Variants in CASD1 observed in about 807,000 individuals in gnomAD.
CASD1 encodes the protein N-acetylneuraminate (7)9-O-acetyltransferase.
Under a neutral mutation model 100.0 loss-of-function variants are expected in CASD1, and 41 were observed. The ratio of observed to expected loss-of-function variants is 0.41; its 90% CI spans 0.32 to 0.53. The LOEUF is 0.53. Among genes scored for constraint, CASD1 ranks in the 20% least tolerant of loss-of-function variants. The probability of loss-of-function intolerance (pLI) is 0.25; values close to 1 mark genes in which losing one functional copy is unlikely to be tolerated. For synonymous variants in CASD1, 321 were observed against 315.6 expected (o/e 1.02, Z -0.18); for missense variants, 774 against 948.7 (o/e 0.82, Z 2.42).
At chr7:94,589,759 CT>C in the CASD1 span, 1 of 186,454 alleles carries the variant, frequency 5.4e-6, no homozygotes, top group Non-Finnish European at 1.1e-5. Flanking sequence ...CCATCACCCC[CT>C]GATGGTACTG....
At chr7:94,542,877 T>C (rs1406733883) in intron 10 of CASD1, among the ~76,000 whole-genome samples, 1 of 152,204 alleles carries the variant, frequency 6.6e-6, no homozygotes, top group African/African-American at 2.4e-5. Flanking sequence ...TCATTGAAAA[T>C]TTCTGATCTA....
the CASD1 span, chr7:94,600,973 C>T: frequency 1.2e-6 from 1 of 862,582 alleles, no homozygotes; most frequent in South Asian, 1.5e-5. Flanking sequence ...CCATCTTTTC[C>T]AATTACTTTA....
intron 3 of CASD1, among the ~76,000 whole-genome samples, chr7:94,519,139 G>A (rs1163374445): frequency 6.6e-6 from 1 of 152,040 alleles, no homozygotes; most frequent in Non-Finnish European, 1.5e-5. Context: ...ATTTTGTTAG[G>A]AAATTTCTCG....
chr7:94,530,088 T>C (rs1794774148), intron 5 of CASD1, among the ~76,000 whole-genome samples: 1 of 152,134 alleles, frequency 6.6e-6, no homozygotes, highest in Admixed American at 6.5e-5. Flanking sequence ...ATACAGATAC[T>C]TAAGCAATGT....
At chr7:94,561,389 T>G (rs936144130), downstream of CASD1, among the ~76,000 whole-genome samples, 4 of 152,200 alleles carry the variant, frequency 2.6e-5, no homozygotes, top group Non-Finnish European at 5.9e-5. Context: ...ATAAATAATT[T>G]AACTTGGAAG....
At chr7:94,596,352 C>G in the CASD1 span, among the ~76,000 whole-genome samples, 154 of 152,252 alleles carry the variant, frequency 1.0e-3, no homozygotes, top group South Asian at 8.3e-3. Context: ...AAAATGACAG[C>G]AACCTTTTTC....
At chr7:94,525,546 AAAAG>A (rs1465474864) in intron 3 of CASD1, among the ~76,000 whole-genome samples, 2 of 152,180 alleles carry the variant, frequency 1.3e-5, no homozygotes, top group Non-Finnish European at 2.9e-5. Context: ...TAAAAAAGGA[AAAAG>A]AAGAAAGAGA....
chr7:94,587,025 A>G, the CASD1 span: 2 of 982,904 alleles, frequency 2.0e-6, no homozygotes, highest in Non-Finnish European at 2.4e-6. Flanking sequence ...AATAGGCTCT[A>G]GTGTTAACTA....
At chr7:94,621,748 T>C in the CASD1 span, 30 of 152,312 alleles carry the variant, frequency 2.0e-4, no homozygotes, top group Admixed American at 1.2e-3. Context: ...GCTCATTAAG[T>C]GTATTCCAAT....
At chr7:94,597,028 A>G in the CASD1 span, among the ~76,000 whole-genome samples, 4 of 152,072 alleles carry the variant, frequency 2.6e-5, no homozygotes, top group Non-Finnish European at 4.4e-5. Context: ...AATTTTACCA[A>G]TTTTTCTCAT....
the CASD1 span, chr7:94,587,653 A>C: frequency 6.7e-7 from 1 of 1,483,624 alleles, no homozygotes; most frequent in South Asian, 1.4e-5. Context: ...CCAACACATC[A>C]ATATATTGAA....
At chr7:94,557,336 TCTTTTGCC>T (rs1796242882), downstream of CASD1, among the ~76,000 whole-genome samples, 1 of 152,110 alleles carries the variant, frequency 6.6e-6, no homozygotes, top group Non-Finnish European at 1.5e-5. Context: ...TTTTCTCTCT[TCTTTTGCC>T]CTTACTTAAT....
In CASD1 at chr7:94,544,464, G is replaced by T. The variant is rs756379268; in HGVS notation, c.1410G>T (p.Gln470His). ...TTCTGGTTGCTGCATATTTATTTCA[G>T]ACAGGGTATGGGCATTTCTCATACT... The part of the protein sequence containing the change: ...IRVLVAAYLF[Q>H]TGYGHFSYFW... Residue 470 changes from glutamine (Q) to histidine (H), a missense_variant, in exon 11 of 18, where the codon CAG becomes CAT. Coordinates refer to ENST00000297273, the MANE Select transcript of CASD1 (RefSeq NM_022900.5). 46 of 1,613,136 alleles carry T rather than the reference G, an allele frequency of 2.9e-5. No homozygotes were observed. The highest frequency in any genetic ancestry group is 3.8e-5 in the Non-Finnish European group (45 of 1,179,530).
At chr7:94,585,259 A>T in the CASD1 span, 1 of 454,182 alleles carries the variant, frequency 2.2e-6, no homozygotes, top group Admixed American at 3.6e-5. Context: ...TTAAAGATCA[A>T]CTTTTATTGT....
rs150010454 is a variant in CASD1 at position 94,529,624 on chromosome 7, G to A, written c.459+1374G>A. 1.7e-3 allele frequency among the ~76,000 whole-genome samples: 265 copies of A among 152,186 alleles called. 1 individual carries two copies. The highest frequency in any genetic ancestry group is 6.2e-3 in the African/African-American group (258 of 41,542). ...GGAGACCCACATTTTTGTTGTTAAT[G>A]TACTATTGCCAGCTTTGTGCTGAGT... On this transcript the variant is annotated intron_variant, in intron 5 of 17. Transcript: ENST00000297273.
chr7:94,530,836 C>A (rs1317815056), intron 5 of CASD1, among the ~76,000 whole-genome samples: 1 of 151,920 alleles, frequency 6.6e-6, no homozygotes, highest in Non-Finnish European at 1.5e-5. Flanking sequence ...TGAGAAGTGG[C>A]AGTAAAAGGA....
At chr7:94,600,559 C>A in the CASD1 span, 1 of 945,358 alleles carries the variant, frequency 1.1e-6, no homozygotes, top group Non-Finnish European at 1.7e-6. Flanking sequence ...GTTTTATGAA[C>A]CAAATGAAAC....
chr7:94,603,271 A>T, the CASD1 span: 91 of 1,603,832 alleles, frequency 5.7e-5, no homozygotes, highest in Non-Finnish European at 6.9e-5. Flanking sequence ...AAACTTGCAA[A>T]AACAAAATAA....
At position 94,555,643 on chromosome 7, in the gene CASD1, C is replaced by A. The variant is rs368845448; in HGVS notation, c.2279C>A (p.Ala760Glu). 5 of 1,613,326 alleles carry A rather than the reference C, an allele frequency of 3.1e-6. No individual in the cohort carries two copies. The African/African-American group carries it at 6.7e-5, about 22-fold the overall frequency. The stretch of plus-strand genomic sequence containing the variant: ...ATTTCTCAGATCACTAATGATCTTG[C>A]ACAGATTATTATTCCTAAAGATAAC... Reference protein sequence around the residue: ...HEISQITNDLAQIIIPKDNSS... With the variant: ...HEISQITNDLEQIIIPKDNSS... Residue 760 changes from alanine to glutamate, a missense_variant, in exon 18 of 18, where the codon GCA (alanine) becomes GAA (glutamate). By Grantham distance (107) the Ala-to-Glu change is moderately radical. Transcript: ENST00000297273.
Sources: allele counts gnomAD v4.1 joint callset (sites outside exome capture counted in the v4.1 genomes callset), GRCh38; gene constraint gnomAD v4.1.1; transcripts MANE v1.5; gene names NCBI Gene and HGNC (gene_info 2026-07-23, HGNC 2026-07-21).